The following PLEKHH2 variants were observed in gnomAD, a reference collection of about 807,000 sequenced individuals.
The protein encoded by PLEKHH2 is pleckstrin homology domain-containing family H member 2.
In PLEKHH2, 129 loss-of-function variants were observed where a neutral mutation model predicts 187.9. The observed-to-expected ratio is 0.69, with a 90% CI of 0.59 to 0.79. The LOEUF (loss-of-function observed/expected upper bound fraction) is 0.79, where lower values mean the gene tolerates loss of function less well. PLEKHH2 is among the 30% of genes least tolerant of loss of function. PLEKHH2 has a pLI of 0.00. For missense variants in PLEKHH2, 2,076 were observed against 1,751.2 expected (o/e 1.19, Z -3.31); for synonymous variants, 686 against 605.6 (o/e 1.13, Z -1.95).
intron 8 of PLEKHH2, among the ~76,000 whole-genome samples, chr2:43,701,912 C>G (rs1430317825): frequency 6.6e-6 from 1 of 151,980 alleles, no homozygotes; most frequent in Non-Finnish European, 1.5e-5. Flanking sequence ...GAACTACAGA[C>G]GTTTACCACC....
chr2:43,717,160 G>A (rs543322312), intron 15 of PLEKHH2, among the ~76,000 whole-genome samples: 1 of 152,216 alleles, frequency 6.6e-6, no homozygotes, highest in East Asian at 1.9e-4. Flanking sequence ...GCTCATGCCT[G>A]TAATCCCAGC....
In PLEKHH2 at chr2:43,695,238, A is replaced by G; in HGVS notation, c.502+14A>G. 2 of 1,487,630 alleles carry G rather than the reference A, an allele frequency of 1.3e-6. No homozygotes were observed. The highest frequency in any genetic ancestry group is 1.8e-6 in the Non-Finnish European group (2 of 1,085,414). The allele number at this position is 1,487,630 out of a possible 1,614,324, so 92.2% of individuals were successfully genotyped here. On this transcript the variant is annotated intron_variant, in intron 6 of 29. Coordinates refer to ENST00000282406, the MANE Select transcript of PLEKHH2 (RefSeq NM_172069.4). Reference sequence around the variant, plus strand: ...CAAAACTACAAGGTACAAATACTTTACTAAGATAGCTTAGTTGGATTTATT... The same window carrying G: ...CAAAACTACAAGGTACAAATACTTTGCTAAGATAGCTTAGTTGGATTTATT...
chr2:43,705,819 G>C (rs1191147232), intron 9 of PLEKHH2, among the ~76,000 whole-genome samples: 1 of 151,478 alleles, frequency 6.6e-6, no homozygotes, highest in African/African-American at 2.4e-5. Context: ...ATGTTGCCCA[G>C]GTTGGTCTCA....
Position 43,738,409 on chromosome 2 carries a change from G to C in PLEKHH2, c.3012G>C (p.Gln1004His). ...PAIDYHISLA[Q>H]SALQICLTHP... The stretch of plus-strand genomic sequence containing the variant: ...TTGATTACCACATATCTTTAGCCCA[G>C]AGTGCTTTGCAAATCTGCCTGACAC... The change falls in exon 20 of 30, where the codon CAG becomes CAC. Residue 1004 changes from glutamine (Q) to histidine (H), a missense_variant. Coordinates refer to ENST00000282406, the MANE Select transcript of PLEKHH2 (RefSeq NM_172069.4). 1.2e-6 allele frequency: 2 copies of C among 1,613,996 alleles called. No individual in the cohort carries two copies. The highest frequency in any genetic ancestry group is 1.7e-6 in the Non-Finnish European group (2 of 1,179,938).
At chr2:43,718,069 C>T (rs1253296190) in intron 15 of PLEKHH2, among the ~76,000 whole-genome samples, 1 of 152,150 alleles carries the variant, frequency 6.6e-6, no homozygotes, top group African/African-American at 2.4e-5. Context: ...ATATGATATA[C>T]TGTTTGTCTT....
intron 19 of PLEKHH2, among the ~76,000 whole-genome samples, chr2:43,735,475 C>T (rs1328528002): frequency 6.6e-6 from 1 of 152,072 alleles, no homozygotes; most frequent in African/African-American, 2.4e-5. Context: ...TACAAAAATA[C>T]ATTTATTTAA....
chr2:43,752,570 A>C (rs181607649), intron 24 of PLEKHH2, among the ~76,000 whole-genome samples: 2 of 152,318 alleles, frequency 1.3e-5, no homozygotes, highest in East Asian at 1.9e-4. Flanking sequence ...GAAAAGGCTG[A>C]AAATGCAAAG....
intron 15 of PLEKHH2, among the ~76,000 whole-genome samples, chr2:43,716,030 C>T (rs897266612): frequency 2.0e-5 from 3 of 152,002 alleles, no homozygotes; most frequent in Non-Finnish European, 4.4e-5. Context: ...GAAGAAGGTA[C>T]GTTGCCTTCA....
rs10524364 is a variant in PLEKHH2 at position 43,713,099 on chromosome 2, A to AAC, written c.2460+733_2460+734dup. On this transcript the variant is annotated intron_variant, in intron 15 of 29. Transcript: ENST00000282406. ...TGAGTGAACAAATCAATATCAAATC[A>AAC]ACACACACACACACACACGCATATA... Among the ~76,000 whole-genome samples, 179 of 150,778 alleles carry AAC rather than the reference A, an allele frequency of 1.2e-3. 1 individual carries two copies. Among genetic ancestry groups the AAC allele is most frequent in the Middle Eastern group, 3.4e-3 (1 of 292 alleles).
At chr2:43,726,743 A>C (rs1288469031) in intron 17 of PLEKHH2, among the ~76,000 whole-genome samples, 1 of 152,144 alleles carries the variant, frequency 6.6e-6, no homozygotes, top group Non-Finnish European at 1.5e-5. Context: ...TTTTTTGGTA[A>C]ATCTAAGGAC....
At chr2:43,673,978 G>A (rs985793386) in intron 2 of PLEKHH2, among the ~76,000 whole-genome samples, 4 of 152,112 alleles carry the variant, frequency 2.6e-5, no homozygotes, top group African/African-American at 4.8e-5. Flanking sequence ...CAGTGCCATA[G>A]GAGCAGAAAA....
Position 43,726,366 on chromosome 2 carries a change from GTC to G in PLEKHH2, c.2638_2639del (p.Leu880ValfsTer26). The G allele has an allele frequency of 6.2e-7, 1 of 1,610,634 alleles. No individual in the cohort carries two copies. The highest frequency in any genetic ancestry group is 1.3e-5 in the African/African-American group (1 of 74,940). Reference sequence around the variant, plus strand: ...GAAGATTATGAAGCCAGTGGACGAAGTCTGTTATCCACACATTATACTATCGT... The same window carrying G: ...GAAGATTATGAAGCCAGTGGACGAAGTGTTATCCACACATTATACTATCGT... On this transcript the variant is annotated frameshift_variant, in exon 17 of 30. Transcript: ENST00000282406. LOFTEE classifies it high-confidence loss of function.
At chr2:43,673,421 C>G (rs973629023) in intron 2 of PLEKHH2, among the ~76,000 whole-genome samples, 6 of 152,166 alleles carry the variant, frequency 3.9e-5, no homozygotes, top group Non-Finnish European at 7.4e-5. Context: ...GAGTTACCAC[C>G]AGCTTTTCAC....
At chr2:43,764,129 T>C in intron 28 of PLEKHH2, 99 bp from the exon 29 acceptor site, 1 of 682,124 alleles carries the variant, frequency 1.5e-6, no homozygotes, top group Non-Finnish European at 2.2e-6. Flanking sequence ...CCATAATTGA[T>C]TAATATCTGC....
At chr2:43,755,279 C>T (rs947343357) in intron 25 of PLEKHH2, among the ~76,000 whole-genome samples, 1 of 152,208 alleles carries the variant, frequency 6.6e-6, no homozygotes, top group Non-Finnish European at 1.5e-5. Context: ...ACAAGCTTCA[C>T]ACCTGGGAAT....
chr2:43,660,704 G>A (rs1429270167), intron 2 of PLEKHH2, among the ~76,000 whole-genome samples: 1 of 125,940 alleles, frequency 7.9e-6, no homozygotes, highest in African/African-American at 3.2e-5. Flanking sequence ...CCACCTATGA[G>A]TGAGAATATG....
intron 20 of PLEKHH2, 70 bp from the exon 21 acceptor site, chr2:43,740,876 T>C: frequency 1.3e-6 from 2 of 1,579,634 alleles, no homozygotes; most frequent in South Asian, 1.2e-5. Flanking sequence ...CATCAGCCCA[T>C]TGCACTCACT....
intron 3 of PLEKHH2, among the ~76,000 whole-genome samples, chr2:43,683,476 T>C (rs1416055462): frequency 3.3e-5 from 5 of 152,080 alleles, no homozygotes; most frequent in African/African-American, 7.2e-5. Context: ...TTTGTTCAAA[T>C]TGGGATCTAA....
intron 2 of PLEKHH2, among the ~76,000 whole-genome samples, chr2:43,653,034 T>C (rs929167772): frequency 2.6e-5 from 4 of 151,780 alleles, no homozygotes; most frequent in Admixed American, 2.0e-4. Context: ...ATTAAAGAGA[T>C]GGAAAATAGG....
Sources: allele counts gnomAD v4.1 joint callset (sites outside exome capture counted in the v4.1 genomes callset), GRCh38; gene constraint gnomAD v4.1.1; transcripts MANE v1.5; gene names NCBI Gene and HGNC (gene_info 2026-07-23, HGNC 2026-07-21).